CYP27A1: variants seen among roughly 807,000 people sequenced by gnomAD.
CYP27A1 encodes sterol 26-hydroxylase, mitochondrial.
CYP27A1 carries 46 observed loss-of-function variants against 58.2 expected under a neutral mutation model. The ratio of observed to expected loss-of-function variants is 0.79; its 90% CI spans 0.62 to 1.01. The LOEUF is 1.01. Ranked by LOEUF, CYP27A1 falls within the 50% of genes least tolerant of loss-of-function variation. The pLI, the probability that CYP27A1 is intolerant of heterozygous loss-of-function variation, is 0.00. For missense variants in CYP27A1, 704 were observed against 687.0 expected, an observed-to-expected ratio of 1.02 and a Z score of -0.28; for synonymous variants, 274 against 285.1, an observed-to-expected ratio of 0.96 and a Z score of 0.39.
intron 1 of CYP27A1, among the ~76,000 whole-genome samples, chr2:218,799,588 C>T (rs1559388580): frequency 6.6e-6 from 1 of 152,188 alleles, no homozygotes; most frequent in Non-Finnish European, 1.5e-5. Flanking sequence ...CAAAAACTTG[C>T]TTGCCTGACT....
At chr2:218,795,429 A>G (rs1943538971) in intron 1 of CYP27A1, among the ~76,000 whole-genome samples, 1 of 152,228 alleles carries the variant, frequency 6.6e-6, no homozygotes, top group Non-Finnish European at 1.5e-5. Context: ...TGACACACCC[A>G]GATAACTGGT....
chr2:218,807,973 A>G (rs1943668488), intron 1 of CYP27A1, among the ~76,000 whole-genome samples: 1 of 152,172 alleles, frequency 6.6e-6, no homozygotes, highest in Admixed American at 6.5e-5. Flanking sequence ...AGCAAATACA[A>G]ATACTATATA....
At chr2:218,813,956 A>C in intron 5 of CYP27A1, 65 bp from the exon 6 acceptor site, 1 of 1,582,722 alleles carries the variant, frequency 6.3e-7, no homozygotes, top group Non-Finnish European at 8.7e-7. Flanking sequence ...CCACTCATAC[A>C]CCCTCCCATT....
rs761261825 is a variant in CYP27A1, at chr2:218,814,414, A to G, written c.1219A>G (p.Ile407Val). The G allele has an allele frequency of 1.9e-6, 3 of 1,614,250 alleles. No individual in the cohort carries two copies. The highest frequency in any genetic ancestry group is 2.5e-6 in the Non-Finnish European group (3 of 1,180,034). Residue 407 changes from isoleucine (I) to valine (V), a missense_variant, in exon 7 of 9, where the codon ATA becomes GTA. Physicochemically the swap from Ile to Val is conservative, Grantham distance 29. Coordinates refer to ENST00000258415, the MANE Select transcript of CYP27A1 (RefSeq NM_000784.4). ...YPVVPTNSRI[I>V]EKEIEVDGFL... ...TGTGGTCCCCACAAACTCCCGGATC[A>G]TAGAAAAGGAAATTGAAGTTGATGG...
intron 1 of CYP27A1, among the ~76,000 whole-genome samples, chr2:218,808,537 G>A (rs1321030853): frequency 6.6e-6 from 1 of 152,182 alleles, no homozygotes; most frequent in African/African-American, 2.4e-5. Flanking sequence ...GTTTCCTTCT[G>A]TAATTTGAAT....
At chr2:218,791,440 C>T (rs921031037) in intron 1 of CYP27A1, among the ~76,000 whole-genome samples, 1 of 152,224 alleles carries the variant, frequency 6.6e-6, no homozygotes, top group African/African-American at 2.4e-5. Context: ...GTGCACACAA[C>T]AGACCCCCTT....
rs954446069 is a variant in CYP27A1, at chr2:218,795,184, G to A, written c.255+12747G>A. On this transcript the variant is annotated intron_variant, in intron 1 of 8. Coordinates refer to ENST00000258415, the MANE Select transcript of CYP27A1 (RefSeq NM_000784.4). ...TGAAATGAGAGGCTTGGCTTAATCA[G>A]CAGAAATTAGCCATGCTCACCTGTG... Among the ~76,000 whole-genome samples, 11 of 152,308 alleles carry A rather than the reference G, an allele frequency of 7.2e-5. 1 individual carries two copies. Among genetic ancestry groups the A allele is most frequent in the African/African-American group, 2.4e-4 (10 of 41,576 alleles).
At chr2:218,800,422 AT>A (rs1943587978) in intron 1 of CYP27A1, among the ~76,000 whole-genome samples, 1 of 152,206 alleles carries the variant, frequency 6.6e-6, no homozygotes, top group Non-Finnish European at 1.5e-5. Flanking sequence ...TCACAAAAAA[AT>A]AAAAATAAAT....
intron 1 of CYP27A1, among the ~76,000 whole-genome samples, chr2:218,795,968 G>A (rs1664853115): frequency 6.6e-6 from 1 of 152,122 alleles, no homozygotes; most frequent in Admixed American, 6.5e-5. Context: ...CCCAGCCATG[G>A]GTTTGTATCC....
chr2:218,807,671 C>T (rs529374341), intron 1 of CYP27A1, among the ~76,000 whole-genome samples: 1 of 152,160 alleles, frequency 6.6e-6, no homozygotes, highest in South Asian at 2.1e-4. Context: ...GGCTGGAGTG[C>T]AGTGGGTACA....
At chr2:218,798,072 G>A (rs917439883) in intron 1 of CYP27A1, among the ~76,000 whole-genome samples, 21 of 151,506 alleles carry the variant, frequency 1.4e-4, no homozygotes, top group Admixed American at 1.1e-3. Flanking sequence ...GTGTGATCTC[G>A]GCTCACTGTA....
rs577239031 is a variant in CYP27A1, at chr2:218,803,438, C to T, written c.256-6139C>T. On this transcript the variant is annotated intron_variant, in intron 1 of 8. Coordinates refer to ENST00000258415, the MANE Select transcript of CYP27A1 (RefSeq NM_000784.4). ...TTCGAGGCACAAAAGTTTTAAATTT[C>T]TTTTTTGAGACCGAGTCTCGTTCTA... Among the ~76,000 whole-genome samples the T allele has an allele frequency of 2.1e-3, 324 of 152,014 alleles. 2 individuals carry two copies. The highest frequency in any genetic ancestry group is 7.3e-3 in the African/African-American group (304 of 41,464).
intron 1 of CYP27A1, among the ~76,000 whole-genome samples, chr2:218,804,193 G>T (rs1352791915): frequency 6.6e-6 from 1 of 152,098 alleles, no homozygotes; most frequent in East Asian, 1.9e-4. Flanking sequence ...TTTTTAGATT[G>T]TTGATCCATT....
rs767487511 is a variant in CYP27A1, at chr2:218,815,051, G to T, written c.*21G>T. ...GCTGAGCTGAGTCTCCGCCTTGCTGGGGCTTGTCCTAGAGGCTCCAGCTCT... is the reference window on the plus strand; with the variant it reads ...GCTGAGCTGAGTCTCCGCCTTGCTGTGGCTTGTCCTAGAGGCTCCAGCTCT... On this transcript the variant is annotated 3_prime_UTR_variant, in exon 9 of 9. Transcript: ENST00000258415. The T allele has an allele frequency of 6.2e-7, 1 of 1,614,080 alleles. No individual in the cohort carries two copies. The highest frequency in any genetic ancestry group is 1.7e-5 in the Admixed American group (1 of 60,022).
At position 218,814,051 on chromosome 2, in the gene CYP27A1, C is replaced by T. The variant is rs201472827; in HGVS notation, c.1048C>T (p.His350Tyr). The T allele has an allele frequency of 2.5e-6, 4 of 1,614,244 alleles. No homozygotes were observed. The East Asian group carries it at 8.9e-5, about 36-fold the overall frequency. ...CAACACGCTGACATGGGCCCTGTAC[C>T]ACCTCTCAAAGGACCCTGAGATCCA... is the stretch of plus-strand genomic sequence containing the variant. Reference protein sequence around the residue: ...TSNTLTWALYHLSKDPEIQEA... With the variant: ...TSNTLTWALYYLSKDPEIQEA... The change falls in exon 6 of 9, where the codon CAC (histidine) becomes TAC (tyrosine). Residue 350 changes from histidine to tyrosine, a missense_variant. Coordinates refer to ENST00000258415, the MANE Select transcript of CYP27A1 (RefSeq NM_000784.4).
chr2:218,805,390 A>T (rs913194856), intron 1 of CYP27A1, among the ~76,000 whole-genome samples: 7 of 152,210 alleles, frequency 4.6e-5, no homozygotes, highest in African/African-American at 1.7e-4. Flanking sequence ...TAATGTGCTT[A>T]GCAGTGTGCC....
At chr2:218,814,835 G>A in intron 8 of CYP27A1, 76 bp from the exon 9 acceptor site, 1 of 1,613,362 alleles carries the variant, frequency 6.2e-7, no homozygotes, top group Admixed American at 1.7e-5. Context: ...GGGAGGCACA[G>A]GGTAGGAGTG....
At chr2:218,790,531 T>G (rs770750590) in intron 1 of CYP27A1, among the ~76,000 whole-genome samples, 21 of 152,210 alleles carry the variant, frequency 1.4e-4, no homozygotes, top group Non-Finnish European at 2.6e-4. Context: ...CCAGATGTGA[T>G]GGAAGTGCCA....
chr2:218,792,814 G>A (rs1943505701), intron 1 of CYP27A1, among the ~76,000 whole-genome samples: 1 of 152,114 alleles, frequency 6.6e-6, no homozygotes, highest in Non-Finnish European at 1.5e-5. Context: ...GTTAAACATT[G>A]TTTCTAATTT....
Sources: gnomAD v4.1 joint callset for allele counts (sites outside exome capture counted in the v4.1 genomes callset) on GRCh38, gnomAD v4.1.1 for gene constraint, MANE v1.5 for transcripts, NCBI Gene and HGNC (gene_info 2026-07-23, HGNC 2026-07-21) for gene names.